PDE11A: variants seen among roughly 807,000 people sequenced by gnomAD.
PDE11A encodes the protein dual 3',5'-cyclic-AMP and -GMP phosphodiesterase 11A.
PDE11A carries 100 observed loss-of-function variants against 100.5 expected under a neutral mutation model. The ratio of observed to expected loss-of-function variants is 1.00; its 90% CI spans 0.85 to 1.18. The LOEUF (loss-of-function observed/expected upper bound fraction) is 1.18, where lower values mean the gene tolerates loss of function less well. PDE11A is among the 50% of genes most tolerant of loss of function. The probability of loss-of-function intolerance (pLI) is 0.00; values close to 1 mark genes in which losing one functional copy is unlikely to be tolerated. For synonymous variants in PDE11A, 381 were observed against 420.8 expected, an observed-to-expected ratio of 0.91 and a Z score of 1.16; for missense variants, 1,141 against 1,152.6, an observed-to-expected ratio of 0.99 and a Z score of 0.15.
rs183078449 is a variant in PDE11A at position 177,981,331 on chromosome 2, C to A, written c.1071+32971G>T. 2.1e-4 allele frequency among the ~76,000 whole-genome samples: 32 copies of A among 150,636 alleles called. 1 individual carries two copies. Among genetic ancestry groups the A allele is most frequent in the African/African-American group, 6.0e-4 (25 of 41,434 alleles). On this transcript the variant is annotated intron_variant, in intron 2 of 19. Transcript: ENST00000286063. ...GACTGAAATGTATTGTCTCACAGTT[C>A]TGGAGGCTAGAAGTCTAAAATCAAG...
At chr2:177,652,447 C>A (rs1217494413) in intron 19 of PDE11A, among the ~76,000 whole-genome samples, 1 of 151,896 alleles carries the variant, frequency 6.6e-6, no homozygotes, top group Non-Finnish European at 1.5e-5. Context: ...GCAGAGGGTA[C>A]AAAGGAAGGA....
intron 9 of PDE11A, among the ~76,000 whole-genome samples, chr2:177,808,670 T>G (rs753918810): frequency 5.9e-5 from 9 of 152,128 alleles, no homozygotes; most frequent in African/African-American, 9.7e-5. Context: ...GGATGTGACA[T>G]GCTAGCAGAC....
chr2:177,818,217 T>G (rs111926457), intron 7 of PDE11A, among the ~76,000 whole-genome samples: 1,631 of 151,948 alleles, frequency 0.011, 15 homozygotes, highest in East Asian at 0.059. Flanking sequence ...GCCCATATAT[T>G]ATATATACAA....
chr2:177,766,839 A>C (rs1027431707), intron 10 of PDE11A, among the ~76,000 whole-genome samples: 1 of 152,244 alleles, frequency 6.6e-6, no homozygotes, highest in Non-Finnish European at 1.5e-5. Flanking sequence ...ACTAGCTAAT[A>C]TCTGTCATGA....
intron 15 of PDE11A, among the ~76,000 whole-genome samples, chr2:177,683,638 T>G: frequency 6.6e-6 from 1 of 152,202 alleles, no homozygotes; most frequent in Non-Finnish European, 1.5e-5. Context: ...AACAGGAACC[T>G]CTCTTGCTTT....
chr2:178,015,775 G>A (rs1453618721), intron 1 of PDE11A, among the ~76,000 whole-genome samples: 1 of 152,060 alleles, frequency 6.6e-6, no homozygotes, highest in Non-Finnish European at 1.5e-5. Context: ...GGGAAGGAGA[G>A]AGGAAAAGGA....
At chr2:177,847,990 T>TGTG (rs1558970184) in intron 5 of PDE11A, among the ~76,000 whole-genome samples, 2,024 of 147,904 alleles carry the variant, frequency 0.014, 20 homozygotes, top group Non-Finnish European at 0.02. Flanking sequence ...AATGGTGTGT[T>TGTG]TGTGTGTGTG....
intron 15 of PDE11A, chr2:177,687,533 T>C (rs2080971052): frequency 2.0e-5 from 3 of 152,246 alleles, no homozygotes. Context: ...ATGTATGCTA[T>C]TTCCATCTAT....
At chr2:177,869,247 T>A (rs147350918) in intron 5 of PDE11A, among the ~76,000 whole-genome samples, 1 of 152,384 alleles carries the variant, frequency 6.6e-6, no homozygotes, top group Non-Finnish European at 1.5e-5. Context: ...AAGTTCATCA[T>A]GACGTGCTGG....
intron 19 of PDE11A, among the ~76,000 whole-genome samples, chr2:177,641,365 C>G (rs1302307117): frequency 6.8e-6 from 1 of 148,126 alleles, no homozygotes; most frequent in Admixed American, 6.8e-5. Flanking sequence ...AATAATCCCA[C>G]TAAGTTTTCT....
At chr2:178,022,992 T>C (rs1172080139) in intron 1 of PDE11A, among the ~76,000 whole-genome samples, 1 of 152,218 alleles carries the variant, frequency 6.6e-6, no homozygotes, top group East Asian at 1.9e-4. Flanking sequence ...AGATCTGTCT[T>C]TTGTATATAA....
rs767384738 is a variant in PDE11A, at chr2:177,697,294, A to G, written c.2345+38T>C. 3 of 970,732 alleles carry G rather than the reference A, an allele frequency of 3.1e-6. No individual in the cohort carries two copies. In the African/African-American group the frequency reaches 4.8e-5, roughly 16 times the overall value. 60.1% of individuals were successfully genotyped at this position (970,732 alleles called of 1,614,324 possible). On this transcript the variant is annotated intron_variant, in intron 15 of 19. Coordinates refer to ENST00000286063, the MANE Select transcript of PDE11A (RefSeq NM_016953.4). ...ACCTGGAGATTAGTTACAGGATGGA[A>G]CTTCCATTTGTCAAACAGATCAAAT...
chr2:177,655,014 C>T (rs60941291), intron 19 of PDE11A, among the ~76,000 whole-genome samples: 14,972 of 152,156 alleles, frequency 0.098, 916 homozygotes, highest in East Asian at 0.18. Flanking sequence ...CATTTAGCTT[C>T]ATTATTCCAA....
chr2:177,859,496 G>T (rs2083907009), intron 5 of PDE11A, among the ~76,000 whole-genome samples: 1 of 151,486 alleles, frequency 6.6e-6, no homozygotes, highest in Non-Finnish European at 1.5e-5. Context: ...GAACTGAAAG[G>T]ACAAATAGAT....
chr2:177,932,832 T>TA (rs58921185), intron 2 of PDE11A, among the ~76,000 whole-genome samples: 32,139 of 140,276 alleles, frequency 0.23, 3,540 homozygotes, highest in African/African-American at 0.28. Context: ...AGGCAAGAGT[T>TA]AAAAAAAAAA....
chr2:177,717,589 A>G (rs1345376244), intron 12 of PDE11A, among the ~76,000 whole-genome samples: 1 of 152,166 alleles, frequency 6.6e-6, no homozygotes, highest in Non-Finnish European at 1.5e-5. Context: ...TTCGTATCAG[A>G]AATAATAAGC....
chr2:177,656,221 T>G (rs1400818250), intron 19 of PDE11A, among the ~76,000 whole-genome samples: 1 of 152,224 alleles, frequency 6.6e-6, no homozygotes, highest in Non-Finnish European at 1.5e-5. Flanking sequence ...CATGGCCCCA[T>G]AAGATTATAA....
chr2:178,051,618 T>C (rs1311451101), intron 1 of PDE11A, among the ~76,000 whole-genome samples: 1 of 152,128 alleles, frequency 6.6e-6, no homozygotes, highest in Non-Finnish European at 1.5e-5. Context: ...ACCTATCTCA[T>C]GTGCAGAGAC....
chr2:178,018,369 T>TTTGGCACAGTTGACTTTAAC lies in PDE11A; in HGVS notation c.913-3910_913-3909insGTTAAAGTCAACTGTGCCAA, dbSNP rs1553501009. 5.4e-4 allele frequency: 203 copies of TTTGGCACAGTTGACTTTAAC among 372,556 alleles called. 1 individual carries two copies. The highest frequency in any genetic ancestry group is 4.7e-3 in the African/African-American group (188 of 39,594). 23.1% of individuals were successfully genotyped at this position (372,556 alleles called of 1,614,324 possible). ...CACGGAAAGCTGCCAAGGCAGGCCT[T>TTTGGCACAGTTGACTTTAAC]TTGGCACACTTGACTTTAACCTTTG... On this transcript the variant is annotated intron_variant, in intron 1 of 19. Transcript: ENST00000286063.
Sources: gnomAD v4.1 joint callset for allele counts (sites outside exome capture counted in the v4.1 genomes callset) on GRCh38, gnomAD v4.1.1 for gene constraint, MANE v1.5 for transcripts, NCBI Gene and HGNC (gene_info 2026-07-23, HGNC 2026-07-21) for gene names.